SLC9B1: variants seen among roughly 807,000 people sequenced by gnomAD.
The protein encoded by SLC9B1 is sodium/hydrogen exchanger 9B1.
Under a neutral mutation model 51.7 loss-of-function variants are expected in SLC9B1, and 32 were observed. The observed-to-expected ratio is 0.62, with a 90% CI of 0.47 to 0.83. The LOEUF is 0.83. Among genes scored for constraint, SLC9B1 ranks in the 40% least tolerant of loss-of-function variants. SLC9B1 has a pLI of 0.00. For missense variants in SLC9B1, 406 were observed against 613.2 expected (o/e 0.66, Z 3.57); for synonymous variants, 145 against 212.7 (o/e 0.68, Z 2.77).
intron 6 of SLC9B1, among the ~76,000 whole-genome samples, chr4:102,937,988 C>A (rs1353651256): frequency 1.3e-5 from 2 of 152,060 alleles, no homozygotes; most frequent in African/African-American, 4.8e-5. Flanking sequence ...TAATAACCAG[C>A]TAACAACATA....
chr4:102,959,299 GT>G (rs1406085959), intron 3 of SLC9B1, among the ~76,000 whole-genome samples: 3 of 151,828 alleles, frequency 2.0e-5, no homozygotes, highest in Non-Finnish European at 4.4e-5. Context: ...AAACATAAGT[GT>G]AATTACTATA....
chr4:102,938,216 CA>C (rs776011479), intron 6 of SLC9B1, among the ~76,000 whole-genome samples: 2 of 152,044 alleles, frequency 1.3e-5, no homozygotes, highest in African/African-American at 2.4e-5. Flanking sequence ...AAAGGGTAAG[CA>C]TTGTTATCCT....
intron 7 of SLC9B1, among the ~76,000 whole-genome samples, chr4:102,916,016 A>T (rs1008201183): frequency 6.6e-6 from 1 of 152,172 alleles, no homozygotes; most frequent in African/African-American, 2.4e-5. Flanking sequence ...GGAGGCAGGA[A>T]GAGAGGAAAA....
At chr4:102,956,795 T>A (rs1380961476) in intron 3 of SLC9B1, among the ~76,000 whole-genome samples, 1 of 152,130 alleles carries the variant, frequency 6.6e-6, no homozygotes, top group Non-Finnish European at 1.5e-5. Flanking sequence ...AGTTTTCAAT[T>A]AAAAATTATC....
At chr4:102,965,362 G>A (rs1738368057) in intron 3 of SLC9B1, among the ~76,000 whole-genome samples, 1 of 152,176 alleles carries the variant, frequency 6.6e-6, no homozygotes, top group South Asian at 2.1e-4. Context: ...AAGTGGGAAT[G>A]TGCCAAGAGG....
At chr4:102,967,901 G>A (rs1455141831) in intron 3 of SLC9B1, among the ~76,000 whole-genome samples, 2 of 152,094 alleles carry the variant, frequency 1.3e-5, no homozygotes, top group Non-Finnish European at 2.9e-5. Context: ...TCATGTTAAT[G>A]GATTAGATGA....
intron 11 of SLC9B1, among the ~76,000 whole-genome samples, chr4:102,893,655 G>A (rs182239078): frequency 2.0e-5 from 3 of 152,200 alleles, no homozygotes; most frequent in Admixed American, 2.0e-4. Context: ...CAGGTGCAGT[G>A]GCTTACACCT....
intron 6 of SLC9B1, among the ~76,000 whole-genome samples, chr4:102,936,357 T>C (rs988686009): frequency 3.9e-5 from 6 of 152,182 alleles, no homozygotes; most frequent in Non-Finnish European, 5.9e-5. Context: ...AGCCAGAATG[T>C]CTTCCTGTCT....
chr4:102,968,896 C>T (rs949873383), intron 3 of SLC9B1, among the ~76,000 whole-genome samples: 14 of 152,188 alleles, frequency 9.2e-5, no homozygotes, highest in African/African-American at 1.9e-4. Flanking sequence ...CTGCCTGGCT[C>T]GGTGGGTCCC....
At chr4:102,974,272 G>C (rs1187391912) in intron 3 of SLC9B1, among the ~76,000 whole-genome samples, 5 of 112,406 alleles carry the variant, frequency 4.4e-5, no homozygotes, top group Non-Finnish European at 9.5e-5. Flanking sequence ...AAAAATCGGA[G>C]TAAACCTAAA....
intron 7 of SLC9B1, among the ~76,000 whole-genome samples, chr4:102,931,711 T>C (rs1411856064): frequency 6.6e-6 from 1 of 152,222 alleles, no homozygotes; most frequent in Non-Finnish European, 1.5e-5. Context: ...GACCCAGCTC[T>C]GTATGTTTAG....
At chr4:102,996,175 C>T (rs897403278) in intron 1 of SLC9B1, among the ~76,000 whole-genome samples, 5 of 151,944 alleles carry the variant, frequency 3.3e-5, no homozygotes, top group Admixed American at 1.3e-4. Context: ...TATTTACTGG[C>T]CATTTGAATA....
In SLC9B1 at chr4:102,945,220, A is replaced by C; in HGVS notation, c.626T>G (p.Phe209Cys). 6.2e-7 allele frequency: 1 copy of C among 1,608,404 alleles called. No homozygotes were observed. ...TAATAGAAATGCCCATTGCCAGGGA[A>C]ATTTCATAATGAAGTGTGAAAAAAC... ...AAVFSHFIMK[F>C]PWQWAFLLGF... The change falls in exon 6 of 12, where the codon TTT becomes TGT. Residue 209 changes from phenylalanine (F) to cysteine (C), a missense_variant. By Grantham distance (205) the Phe-to-Cys change is radical (BLOSUM62 -2). This residue lies in a region of SLC9B1 where 250 missense variants were observed against 394.1 expected (regional missense o/e 0.63). Coordinates refer to ENST00000296422, the MANE Select transcript of SLC9B1 (RefSeq NM_139173.4).
chr4:102,915,707 T>C (rs1019508133), intron 7 of SLC9B1, among the ~76,000 whole-genome samples: 1 of 152,196 alleles, frequency 6.6e-6, no homozygotes, highest in Non-Finnish European at 1.5e-5. Flanking sequence ...AATTGAAGCA[T>C]AGAATTTAAA....
intron 1 of SLC9B1, among the ~76,000 whole-genome samples, chr4:102,995,777 C>A (rs1364080875): frequency 6.6e-6 from 1 of 152,078 alleles, no homozygotes; most frequent in Non-Finnish European, 1.5e-5. Context: ...CTCCACTGGC[C>A]TCAATTTCCT....
chr4:102,931,225 C>A (rs76332736), intron 7 of SLC9B1, among the ~76,000 whole-genome samples: 305 of 122,378 alleles, frequency 2.5e-3, no homozygotes, highest in South Asian at 3.3e-3. Context: ...GACTCCGCCT[C>A]AAAAAAAAAA....
chr4:102,901,373 A>G (rs750524959), intron 11 of SLC9B1, 41 bp from the exon 12 acceptor site: 1 of 1,606,130 alleles, frequency 6.2e-7, no homozygotes, highest in Non-Finnish European at 8.5e-7. Context: ...GAAAAATATT[A>G]AACTGAGTTG....
chr4:102,939,813 G>T (rs995495142), intron 6 of SLC9B1, among the ~76,000 whole-genome samples: 6 of 151,860 alleles, frequency 4.0e-5, no homozygotes, highest in African/African-American at 1.4e-4. Flanking sequence ...ATCCCTTCAT[G>T]ATATAGACCC....
chr4:102,952,058 G>A (rs1220258414), intron 3 of SLC9B1, among the ~76,000 whole-genome samples: 1 of 6,930 alleles, frequency 1.4e-4, no homozygotes, highest in Non-Finnish European at 2.5e-4. Context: ...ATGCTGGTGC[G>A]CTGCACCCAC....
Sources: gnomAD v4.1 joint callset for allele counts (sites outside exome capture counted in the v4.1 genomes callset) on GRCh38, gnomAD v4.1.1 for gene constraint, gnomAD v4.1.1 regional missense constraint, MANE v1.5 for transcripts, NCBI Gene and HGNC (gene_info 2026-07-23, HGNC 2026-07-21) for gene names.